The following MECOM variants were observed in gnomAD, a reference collection of about 807,000 sequenced individuals.
MECOM encodes the protein histone-lysine N-methyltransferase MECOM.
A neutral mutation model predicts 116.3 loss-of-function variants in MECOM; 13 were observed. The observed-to-expected ratio is 0.11, with a 90% CI of 0.07 to 0.18. The LOEUF is 0.18. Among genes scored for constraint, MECOM ranks in the 10% least tolerant of loss-of-function variants. The pLI, the probability that MECOM is intolerant of heterozygous loss-of-function variation, is 1.00. For synonymous variants in MECOM, 528 were observed against 535.2 expected, an observed-to-expected ratio of 0.99 and a Z score of 0.19; for missense variants, 1,299 against 1,509.0, an observed-to-expected ratio of 0.86 and a Z score of 2.31.
intron 1 of MECOM, among the ~76,000 whole-genome samples, chr3:169,573,304 G>A (rs1383375517): frequency 6.6e-6 from 1 of 152,192 alleles, no homozygotes; most frequent in Non-Finnish European, 1.5e-5. Flanking sequence ...AAACATCTAA[G>A]CATACAAACA....
At chr3:169,257,919 C>A (rs1394522851) in intron 2 of MECOM, among the ~76,000 whole-genome samples, 3 of 152,110 alleles carry the variant, frequency 2.0e-5, no homozygotes, top group Non-Finnish European at 2.9e-5. Flanking sequence ...AAGCAAAGAA[C>A]ATGCAGTGTA....
chr3:169,381,500 T>G lies in MECOM; in HGVS notation c.62A>C (p.Tyr21Ser), dbSNP rs771991577. ...ATNNECVYGN[Y>S]PEIPLEEMPD... ...CATTTCTTCCAAAGGTATTTCAGGG[T>G]AGTTGCCATATACACACTCATTATC... The change falls in exon 2 of 17, where the codon TAC (tyrosine) becomes TCC (serine). Residue 21 changes from tyrosine (Y) to serine (S), a missense_variant. Physicochemically the swap from Tyr to Ser is moderately radical, Grantham distance 144 (BLOSUM62 -2). Around this residue, in one of 6 missense-constraint regions of MECOM, gnomAD observed 374 missense variants for 433.4 expected, o/e 0.86. Transcript: ENST00000651503. 1 of 1,610,914 alleles carries G rather than the reference T, an allele frequency of 6.2e-7. No homozygotes were observed.
intron 2 of MECOM, among the ~76,000 whole-genome samples, chr3:169,174,432 CT>C (rs1479815097): frequency 6.6e-6 from 1 of 152,116 alleles, no homozygotes; most frequent in Non-Finnish European, 1.5e-5. Context: ...TCTAATTACT[CT>C]GGACTACAAG....
intron 2 of MECOM, among the ~76,000 whole-genome samples, chr3:169,262,989 TC>T (rs1274114120): frequency 6.7e-6 from 1 of 149,530 alleles, no homozygotes; most frequent in African/African-American, 2.5e-5. Flanking sequence ...TCATGTCTTT[TC>T]TTTGATCCAA....
intron 2 of MECOM, among the ~76,000 whole-genome samples, chr3:169,319,901 A>C (rs1045436604): frequency 2.6e-5 from 4 of 152,242 alleles, no homozygotes; most frequent in Non-Finnish European, 5.9e-5. Flanking sequence ...GAAATATTTC[A>C]AATGTATAGC....
chr3:169,496,362 T>C (rs1358836922), intron 1 of MECOM, among the ~76,000 whole-genome samples: 2 of 152,252 alleles, frequency 1.3e-5, no homozygotes, highest in African/African-American at 4.8e-5. Context: ...GCTTTTGTTT[T>C]AAAACCCTTG....
At chr3:169,504,923 T>C (rs1755011757) in intron 1 of MECOM, among the ~76,000 whole-genome samples, 1 of 152,190 alleles carries the variant, frequency 6.6e-6, no homozygotes, top group South Asian at 2.1e-4. Flanking sequence ...AGCTGGCTGA[T>C]TGCATCTGCA....
intron 2 of MECOM, among the ~76,000 whole-genome samples, chr3:169,300,207 A>G (rs1716444668): frequency 6.6e-6 from 1 of 152,202 alleles, no homozygotes; most frequent in Non-Finnish European, 1.5e-5. Flanking sequence ...AGCCTAGCCC[A>G]CTGTCATAAT....
At chr3:169,234,920 A>C (rs1427782271) in intron 2 of MECOM, among the ~76,000 whole-genome samples, 1 of 151,918 alleles carries the variant, frequency 6.6e-6, no homozygotes, top group African/African-American at 2.4e-5. Flanking sequence ...GAGTTGGAAA[A>C]CTCCTGTATT....
chr3:169,098,067 A>C (rs6808695), intron 12 of MECOM, among the ~76,000 whole-genome samples: 38,343 of 151,970 alleles, frequency 0.25, 5,065 homozygotes, highest in Non-Finnish European at 0.28. Flanking sequence ...TTAGACTTAC[A>C]GAAGACTTGC....
chr3:169,507,132 A>C (rs1341784053), intron 1 of MECOM, among the ~76,000 whole-genome samples: 1 of 152,142 alleles, frequency 6.6e-6, no homozygotes, highest in Non-Finnish European at 1.5e-5. Flanking sequence ...TACCCTATAC[A>C]TTGGGTGTTA....
chr3:169,358,528 CAA>C (rs3980663), intron 2 of MECOM, among the ~76,000 whole-genome samples: 8 of 131,924 alleles, frequency 6.1e-5, no homozygotes, highest in East Asian at 2.2e-4. Flanking sequence ...TTTAGAGCCA[CAA>C]AAAAAAAAAA....
At chr3:169,307,029 G>A (rs1348831966) in intron 2 of MECOM, among the ~76,000 whole-genome samples, 1 of 152,142 alleles carries the variant, frequency 6.6e-6, no homozygotes, top group Non-Finnish European at 1.5e-5. Context: ...GCCATGCCAA[G>A]TTTACCATTT....
intron 1 of MECOM, among the ~76,000 whole-genome samples, chr3:169,436,214 CAAA>C (rs909821114): frequency 9.1e-6 from 1 of 110,168 alleles, no homozygotes. Flanking sequence ...GTCTATGACG[CAAA>C]AAAAAAAGGG....
chr3:169,110,910 G>A (rs1196578665), intron 9 of MECOM, among the ~76,000 whole-genome samples: 2 of 152,138 alleles, frequency 1.3e-5, no homozygotes, highest in East Asian at 1.9e-4. Context: ...TGCTATGCTC[G>A]AAGCACTGGA....
intron 1 of MECOM, among the ~76,000 whole-genome samples, chr3:169,414,124 C>T (rs1738100313): frequency 6.6e-6 from 1 of 152,164 alleles, no homozygotes; most frequent in Admixed American, 6.5e-5. Flanking sequence ...CAACAGACAA[C>T]TCATAAAGGA....
chr3:169,117,337 G>T (rs1729496723), intron 7 of MECOM, among the ~76,000 whole-genome samples: 1 of 152,106 alleles, frequency 6.6e-6, no homozygotes, highest in African/African-American at 2.4e-5. Flanking sequence ...TGCACATTGT[G>T]TATTCTGAGA....
At position 169,557,840 on chromosome 3, in the gene MECOM, A is replaced by G. The variant is rs138315356; in HGVS notation, c.37+105496T>C. Among the ~76,000 whole-genome samples, 1,164 of 152,320 alleles carry G rather than the reference A, an allele frequency of 7.6e-3. 22 individuals are homozygous for G. The highest frequency in any genetic ancestry group is 0.027 in the African/African-American group (1,113 of 41,588). On this transcript the variant is annotated intron_variant, in intron 1 of 16. Transcript: ENST00000651503. ...ATTTATCCCCACCATTATAACCATC[A>G]TGCAGCTTCTAGGACAATAATACTA...
chr3:169,383,912 A>G (rs1011248510), intron 1 of MECOM, among the ~76,000 whole-genome samples: 1 of 152,092 alleles, frequency 6.6e-6, no homozygotes, highest in African/African-American at 2.4e-5. Context: ...CTCTCTCTGC[A>G]CCTCTGCCCG....
Sources: allele counts gnomAD v4.1 joint callset (sites outside exome capture counted in the v4.1 genomes callset), GRCh38; gene constraint gnomAD v4.1.1; regional missense constraint gnomAD v4.1.1; transcripts MANE v1.5; gene names NCBI Gene and HGNC (gene_info 2026-07-23, HGNC 2026-07-21).